Variants in RANBP2 observed in about 807,000 individuals in gnomAD.
RANBP2 encodes E3 SUMO-protein ligase RanBP2.
RANBP2 carries 57 observed loss-of-function variants against 303.6 expected under a neutral mutation model. That is an observed-to-expected ratio of 0.19 (90% CI 0.15 to 0.23). RANBP2 has a LOEUF of 0.23. RANBP2 is among the 10% of genes least tolerant of loss of function. RANBP2 has a pLI of 1.00. For missense variants in RANBP2, 3,138 were observed against 3,780.8 expected, an observed-to-expected ratio of 0.83 and a Z score of 4.46; for synonymous variants, 1,167 against 1,301.5, an observed-to-expected ratio of 0.90 and a Z score of 2.23.
At chr2:109,698,689 C>CT in the RANBP2 span, among the ~76,000 whole-genome samples, 97 of 143,704 alleles carry the variant, frequency 6.7e-4, 1 homozygote, top group South Asian at 2.0e-3. Flanking sequence ...TGCATGACAG[C>CT]TTTTTTTTTT....
the RANBP2 span, among the ~76,000 whole-genome samples, chr2:109,327,393 T>A: frequency 6.6e-6 from 1 of 152,232 alleles, no homozygotes; most frequent in Admixed American, 6.5e-5. Context: ...TATTGTTGAT[T>A]AAACTATTCT....
At chr2:109,137,026 A>G in the RANBP2 span, among the ~76,000 whole-genome samples, 2 of 152,248 alleles carry the variant, frequency 1.3e-5, no homozygotes, top group Non-Finnish European at 2.9e-5. Flanking sequence ...TACAGTGGAC[A>G]CTGGGGGCTC....
chr2:109,607,170 T>A, the RANBP2 span, among the ~76,000 whole-genome samples: 1 of 152,210 alleles, frequency 6.6e-6, no homozygotes, highest in African/African-American at 2.4e-5. Flanking sequence ...GTAGTATAAA[T>A]CATAATCACA....
At chr2:109,598,529 G>A in the RANBP2 span, among the ~76,000 whole-genome samples, 1 of 152,096 alleles carries the variant, frequency 6.6e-6, no homozygotes, top group African/African-American at 2.4e-5. Flanking sequence ...AGAACAAAAA[G>A]CAAAAAGTGG....
the RANBP2 span, among the ~76,000 whole-genome samples, chr2:108,891,151 A>G: frequency 6.6e-6 from 1 of 152,098 alleles, no homozygotes. Context: ...CAAATTTTTT[A>G]TCTGGGATTT....
chr2:108,772,555 G>T lies in RANBP2; in HGVS notation c.8087G>T (p.Cys2696Phe), dbSNP rs1201199458. The T allele has an allele frequency of 3.7e-6, 6 of 1,613,852 alleles. No individual in the cohort carries two copies. The highest frequency in any genetic ancestry group is 3.4e-6 in the Non-Finnish European group (4 of 1,179,840). ...CTATATTTGGATGGCTCAGAAAAATGTAGACCCTTGGAAGAAAATACAGCA... is the reference window on the plus strand; with the variant it reads ...CTATATTTGGATGGCTCAGAAAAATTTAGACCCTTGGAAGAAAATACAGCA... Reference protein sequence around the residue: ...GKLYLDGSEKCRPLEENTADN... With the variant: ...GKLYLDGSEKFRPLEENTADN... Residue 2696 changes from cysteine (C) to phenylalanine (F), a missense_variant, in exon 22 of 29, where the codon TGT becomes TTT. Physicochemically the swap from Cys to Phe is radical, Grantham distance 205. Transcript: ENST00000283195.
chr2:109,109,919 G>T, the RANBP2 span, among the ~76,000 whole-genome samples: 1 of 152,024 alleles, frequency 6.6e-6, no homozygotes, highest in Non-Finnish European at 1.5e-5. Flanking sequence ...AATTGAGCAC[G>T]CACCCCCCAC....
the RANBP2 span, among the ~76,000 whole-genome samples, chr2:108,919,127 T>C: frequency 6.6e-6 from 1 of 152,086 alleles, no homozygotes; most frequent in Non-Finnish European, 1.5e-5. Context: ...TGAGCGCCGG[T>C]GTCTGGGAGG....
chr2:109,170,957 T>TGAGGCACA, the RANBP2 span, among the ~76,000 whole-genome samples: 1 of 152,166 alleles, frequency 6.6e-6, no homozygotes, highest in Non-Finnish European at 1.5e-5. Context: ...GGCTGGGTGC[T>TGAGGCACA]GAGGCACAGA....
chr2:109,794,571 C>CGGCCCCG, the RANBP2 span: 6 of 954,016 alleles, frequency 6.3e-6, no homozygotes, highest in African/African-American at 1.3e-4. Flanking sequence ...ACGGCGGCCT[C>CGGCCCCG]GACCCGGCCG....
At chr2:108,941,303 C>T in the RANBP2 span, among the ~76,000 whole-genome samples, 1 of 152,174 alleles carries the variant, frequency 6.6e-6, no homozygotes, top group Admixed American at 6.5e-5. Context: ...CTGGGCAGTC[C>T]TGACCTTGCT....
the RANBP2 span, among the ~76,000 whole-genome samples, chr2:109,006,046 C>T: frequency 6.6e-6 from 1 of 152,144 alleles, no homozygotes; most frequent in African/African-American, 2.4e-5. Context: ...GTGTTGCTTC[C>T]GTGGGTTCCA....
chr2:109,057,622 G>A, the RANBP2 span, among the ~76,000 whole-genome samples: 1 of 152,220 alleles, frequency 6.6e-6, no homozygotes, highest in Non-Finnish European at 1.5e-5. Flanking sequence ...GGAAGGAGTA[G>A]AGATAACATC....
At chr2:108,831,353 A>G in the RANBP2 span, among the ~76,000 whole-genome samples, 1 of 152,214 alleles carries the variant, frequency 6.6e-6, no homozygotes, top group African/African-American at 2.4e-5. Flanking sequence ...AATGAGGACC[A>G]TTGTTACTTT....
At chr2:109,556,396 G>A in the RANBP2 span, among the ~76,000 whole-genome samples, 1 of 152,240 alleles carries the variant, frequency 6.6e-6, no homozygotes, top group South Asian at 2.1e-4. Context: ...TATAACTGGA[G>A]ACATTAAGCT....
chr2:108,976,475 C>T, the RANBP2 span, among the ~76,000 whole-genome samples: 1 of 152,182 alleles, frequency 6.6e-6, no homozygotes, highest in East Asian at 1.9e-4. Context: ...TCTGAAGTGA[C>T]TCCTTCCGGT....
chr2:109,020,846 C>T, the RANBP2 span, among the ~76,000 whole-genome samples: 3 of 152,210 alleles, frequency 2.0e-5, no homozygotes, highest in Non-Finnish European at 4.4e-5. Flanking sequence ...GTAGCTTGGA[C>T]ATTCCCAAGG....
At chr2:109,033,953 T>A in the RANBP2 span, among the ~76,000 whole-genome samples, 9 of 114,598 alleles carry the variant, frequency 7.9e-5, no homozygotes, top group African/African-American at 2.6e-4. Flanking sequence ...AGACCCTGAC[T>A]CCAAAAAAAA....
the RANBP2 span, among the ~76,000 whole-genome samples, chr2:109,254,571 G>C: frequency 6.6e-6 from 1 of 152,182 alleles, no homozygotes; most frequent in African/African-American, 2.4e-5. Flanking sequence ...ATTAAAACTT[G>C]AGGCACATGT....
Sources: gnomAD v4.1 joint callset for allele counts (sites outside exome capture counted in the v4.1 genomes callset) on GRCh38, gnomAD v4.1.1 for gene constraint, MANE v1.5 for transcripts, NCBI Gene and HGNC (gene_info 2026-07-23, HGNC 2026-07-21) for gene names.